PDE7B: variants seen among roughly 807,000 people sequenced by gnomAD.
PDE7B encodes 3',5'-cyclic-AMP phosphodiesterase 7B.
In PDE7B, 29 loss-of-function variants were observed where a neutral mutation model predicts 56.2. The observed-to-expected ratio is 0.52, with a 90% CI of 0.38 to 0.70. PDE7B has a LOEUF of 0.70. Among genes scored for constraint, PDE7B ranks in the 30% least tolerant of loss-of-function variants. PDE7B has a pLI of 0.00. For missense variants in PDE7B, 490 were observed against 565.0 expected (o/e 0.87, Z 1.35); for synonymous variants, 197 against 196.9 (o/e 1.00, Z 0.00).
chr6:135,856,715 G>A (rs1216349831), intron 1 of PDE7B, among the ~76,000 whole-genome samples: 1 of 152,028 alleles, frequency 6.6e-6, no homozygotes, highest in African/African-American at 2.4e-5. Context: ...ATAGGGAGCT[G>A]GTTTTGTAGT....
At chr6:136,077,452 T>C (rs556602272) in intron 2 of PDE7B, among the ~76,000 whole-genome samples, 2 of 152,216 alleles carry the variant, frequency 1.3e-5, no homozygotes, top group Middle Eastern at 3.4e-3. Context: ...AAGTTGTGGG[T>C]GTAGGGAAAG....
chr6:136,181,579 A>G (rs1779068049), intron 11 of PDE7B, among the ~76,000 whole-genome samples: 1 of 152,222 alleles, frequency 6.6e-6, no homozygotes, highest in Non-Finnish European at 1.5e-5. Flanking sequence ...CAAAAGTGGG[A>G]CATTGATTAT....
intron 2 of PDE7B, among the ~76,000 whole-genome samples, chr6:136,062,241 A>T (rs1183466222): frequency 1.3e-5 from 2 of 152,188 alleles, no homozygotes; most frequent in Non-Finnish European, 2.9e-5. Flanking sequence ...GACAAATAAA[A>T]ATTGTATATG....
chr6:136,081,244 G>A (rs1483312917), intron 2 of PDE7B, among the ~76,000 whole-genome samples: 1 of 152,074 alleles, frequency 6.6e-6, no homozygotes, highest in Admixed American at 6.5e-5. Flanking sequence ...CATGAGGAGA[G>A]AGAAACACCA....
intron 2 of PDE7B, among the ~76,000 whole-genome samples, chr6:135,997,879 T>A (rs770422365): frequency 2.0e-5 from 3 of 152,180 alleles, no homozygotes; most frequent in Non-Finnish European, 4.4e-5. Flanking sequence ...TATATGGTCA[T>A]TTTCTTTTTA....
At chr6:136,061,245 C>T (rs989634326) in intron 2 of PDE7B, among the ~76,000 whole-genome samples, 2 of 152,156 alleles carry the variant, frequency 1.3e-5, no homozygotes, top group Non-Finnish European at 2.9e-5. Flanking sequence ...CTCCTCTCAT[C>T]TGGCTGATAT....
intron 2 of PDE7B, chr6:136,044,626 A>G (rs934806251): frequency 1.3e-5 from 2 of 152,230 alleles, no homozygotes; most frequent in South Asian, 2.1e-4. Context: ...CTCTCTTCCT[A>G]TAGAGAACTT....
intron 2 of PDE7B, among the ~76,000 whole-genome samples, chr6:136,065,241 C>T (rs1296898793): frequency 2.0e-5 from 3 of 152,146 alleles, no homozygotes; most frequent in South Asian, 2.1e-4. Context: ...TTCTCCTATA[C>T]AATTATTTAC....
chr6:136,137,941 C>T (rs558392204), intron 3 of PDE7B, among the ~76,000 whole-genome samples: 9 of 152,080 alleles, frequency 5.9e-5, no homozygotes, highest in African/African-American at 1.9e-4. Context: ...TTTCACAGTT[C>T]GGGTCAATGC....
At chr6:136,180,063 C>A (rs949803926) in intron 10 of PDE7B, among the ~76,000 whole-genome samples, 11 of 152,132 alleles carry the variant, frequency 7.2e-5, no homozygotes, top group Admixed American at 3.3e-4. Context: ...AGTGAATGGA[C>A]CTAGACTCAT....
At chr6:136,142,194 G>A (rs867259438) in intron 3 of PDE7B, among the ~76,000 whole-genome samples, 118 of 152,250 alleles carry the variant, frequency 7.8e-4, no homozygotes, top group Middle Eastern at 3.4e-3. Context: ...CTTTATTTCT[G>A]CCTTCATTTC....
chr6:136,052,617 G>GCCCCCCCCCCCC (rs11400308), intron 2 of PDE7B, among the ~76,000 whole-genome samples: 24 of 142,772 alleles, frequency 1.7e-4, no homozygotes, highest in African/African-American at 2.9e-4. Flanking sequence ...TTAGGGTACA[G>GCCCCCCCCCCCC]CCCCCCCCCA....
At chr6:136,144,053 C>A (rs1032221831) in intron 3 of PDE7B, among the ~76,000 whole-genome samples, 3 of 151,814 alleles carry the variant, frequency 2.0e-5, no homozygotes, top group African/African-American at 7.3e-5. Context: ...TCTATATTTT[C>A]TTTTAGATTT....
intron 2 of PDE7B, among the ~76,000 whole-genome samples, chr6:135,981,230 A>G (rs1256045462): frequency 1.4e-5 from 2 of 146,370 alleles, no homozygotes; most frequent in African/African-American, 2.5e-5. Context: ...TGGGAATTGA[A>G]CAATGAGAAC....
intron 2 of PDE7B, among the ~76,000 whole-genome samples, chr6:136,104,646 A>G (rs1472468046): frequency 6.6e-6 from 1 of 152,180 alleles, no homozygotes; most frequent in Non-Finnish European, 1.5e-5. Context: ...ATCTTACTAC[A>G]TGAGCGCTTC....
rs80192943 is a variant in PDE7B at position 136,144,322 on chromosome 6, A to G, written c.167-3029A>G. Among the ~76,000 whole-genome samples, 651 of 152,232 alleles carry G rather than the reference A, an allele frequency of 4.3e-3. 1 individual carries two copies. Among genetic ancestry groups the G allele is most frequent in the Non-Finnish European group, 8.1e-3 (552 of 67,984 alleles). On this transcript the variant is annotated intron_variant, in intron 3 of 12. Coordinates refer to ENST00000308191, the MANE Select transcript of PDE7B (RefSeq NM_018945.4). ...TATGCACCATTTGTTATATTTTGCAATCTTTGCCTTACTGCACACATTTTT... is the reference window on the plus strand; with the variant it reads ...TATGCACCATTTGTTATATTTTGCAGTCTTTGCCTTACTGCACACATTTTT...
intron 3 of PDE7B, among the ~76,000 whole-genome samples, chr6:136,111,943 A>C (rs181527089): frequency 6.6e-6 from 1 of 152,086 alleles, no homozygotes; most frequent in South Asian, 2.1e-4. Flanking sequence ...GGATTTTTTT[A>C]AACCATTTAT....
At chr6:136,087,069 T>G (rs1392547224) in intron 2 of PDE7B, among the ~76,000 whole-genome samples, 1 of 152,236 alleles carries the variant, frequency 6.6e-6, no homozygotes, top group African/African-American at 2.4e-5. Flanking sequence ...CCATTCTTCC[T>G]TCATAGGTTG....
In PDE7B at chr6:136,173,487, A is replaced by G. The variant is rs12527875; in HGVS notation, c.712-310A>G. Among the ~76,000 whole-genome samples, 1,126 of 152,276 alleles carry G rather than the reference A, an allele frequency of 7.4e-3. 8 individuals carry two copies. The highest frequency in any genetic ancestry group is 0.013 in the Non-Finnish European group (890 of 68,008). On this transcript the variant is annotated intron_variant, in intron 8 of 12. Transcript: ENST00000308191. ...GTCACTGCTTCACTTTCTTTCTTAC[A>G]TTTAGCGTGGCCTGACTGAGCTATT...
Sources: allele counts gnomAD v4.1 joint callset (sites outside exome capture counted in the v4.1 genomes callset), GRCh38; gene constraint gnomAD v4.1.1; transcripts MANE v1.5; gene names NCBI Gene and HGNC (gene_info 2026-07-23, HGNC 2026-07-21).